Variants in HTRA1 observed in about 807,000 individuals in gnomAD.
The protein encoded by HTRA1 is serine protease HTRA1.
HTRA1 carries 26 observed loss-of-function variants against 49.7 expected under a neutral mutation model. That is an observed-to-expected ratio of 0.52 (90% CI 0.38 to 0.73). The LOEUF is 0.73. HTRA1 is among the 30% of genes least tolerant of loss of function. The pLI is 0.00. For missense variants in HTRA1, 561 were observed against 667.2 expected, an observed-to-expected ratio of 0.84 and a Z score of 1.75; for synonymous variants, 291 against 286.9, an observed-to-expected ratio of 1.01 and a Z score of -0.14.
intron 8 of HTRA1, among the ~76,000 whole-genome samples, chr10:122,513,707 T>C (rs1384930302): frequency 2.7e-5 from 4 of 147,456 alleles, no homozygotes; most frequent in Admixed American, 2.7e-4. Context: ...AGTAATCCAA[T>C]CTACCGATGG....
chr10:122,465,608 T>A (rs902545191), intron 1 of HTRA1, among the ~76,000 whole-genome samples: 4 of 152,142 alleles, frequency 2.6e-5, no homozygotes, highest in African/African-American at 9.7e-5. Context: ...TAAACAGGGC[T>A]CCAGATGGCT....
chr10:122,510,673 CAGG>C, intron 7 of HTRA1, among the ~76,000 whole-genome samples: 2 of 152,182 alleles, frequency 1.3e-5, no homozygotes, highest in East Asian at 3.8e-4. Flanking sequence ...CTGTGGTTGG[CAGG>C]CTCATGGCAT....
At position 122,488,988 on chromosome 10, in the gene HTRA1, G is replaced by A. The variant is rs759472596; in HGVS notation, c.559G>A (p.Glu187Lys). 8.1e-6 allele frequency: 13 copies of A among 1,613,214 alleles called. No homozygotes were observed. The Admixed American group carries it at 1.5e-4, about 19-fold the overall frequency. ...GATCGCCCCTGCCGTGGTTCATATC[G>A]AATTGTTTCGCAAGTAAAGAGAGCC... ...EKIAPAVVHI[E>K]LFRKLPFSKR... The change falls in exon 2 of 9, where the codon GAA becomes AAA. Residue 187 changes from glutamate (E) to lysine (K), a missense_variant. This residue lies in a region of HTRA1 where 271 missense variants were observed against 410.0 expected (regional missense o/e 0.66). Coordinates refer to ENST00000368984, the MANE Select transcript of HTRA1 (RefSeq NM_002775.5).
chr10:122,488,507 A>G (rs1447832293), intron 1 of HTRA1, among the ~76,000 whole-genome samples: 1 of 152,172 alleles, frequency 6.6e-6, no homozygotes, highest in African/African-American at 2.4e-5. Context: ...GGTTGTGATG[A>G]GCCAAGATTG....
At chr10:122,505,797 C>T (rs998885617) in intron 3 of HTRA1, among the ~76,000 whole-genome samples, 4 of 152,158 alleles carry the variant, frequency 2.6e-5, no homozygotes, top group African/African-American at 7.2e-5. Flanking sequence ...TGAAGGAACT[C>T]GGGAGGTCTG....
At position 122,507,182 on chromosome 10, in the gene HTRA1, T is replaced by C. The variant is rs955251824; in HGVS notation, c.973-188T>C. 2.0e-5 allele frequency among the ~76,000 whole-genome samples: 3 copies of C among 152,288 alleles called. No individual in the cohort carries two copies. In the South Asian group the frequency reaches 6.2e-4, roughly 32 times the overall value. On this transcript the variant is annotated intron_variant, in intron 4 of 8. Transcript: ENST00000368984. The stretch of plus-strand genomic sequence containing the variant: ...AGAAAATCTCCCTGTTTACGGCACC[T>C]CTAAAACTTTCTGAAAATTGTTAAG...
rs908786348 is a variant in HTRA1 at position 122,494,592 on chromosome 10, C to T, written c.777+4966C>T. 3.9e-5 allele frequency among the ~76,000 whole-genome samples: 6 copies of T among 152,282 alleles called. No homozygotes were observed. Among genetic ancestry groups the T allele is most frequent in the East Asian group, 1.9e-4 (1 of 5,150 alleles). On this transcript the variant is annotated intron_variant, in intron 3 of 8. Transcript: ENST00000368984. This position sits in a 1 kb window ranked among gnomAD's most constrained non-coding sequence, Gnocchi z 4.0. ...CAACAACCAGGTAAATATTTGGAAA[C>T]GGCCTTGTTGAGGCTTGTGAGGTGG...
At chr10:122,482,607 A>G (rs949191854) in intron 1 of HTRA1, among the ~76,000 whole-genome samples, 1 of 152,146 alleles carries the variant, frequency 6.6e-6, no homozygotes, top group African/African-American at 2.4e-5. Flanking sequence ...TGAAAGAAGC[A>G]TACATTTTGA....
chr10:122,500,058 T>C (rs2097500276), intron 3 of HTRA1, among the ~76,000 whole-genome samples: 1 of 152,190 alleles, frequency 6.6e-6, no homozygotes, highest in African/African-American at 2.4e-5. Context: ...TTGATGTTAT[T>C]GGTTTTTTTT....
chr10:122,506,919 G>T lies in HTRA1; in HGVS notation c.972+34G>T. 1 of 1,598,310 alleles carries T rather than the reference G, an allele frequency of 6.3e-7. No homozygotes were observed. The highest frequency in any genetic ancestry group is 1.1e-5 in the South Asian group (1 of 90,702). Reference sequence around the variant, plus strand: ...CTGTCCCTCTGCGGGTGGGGATTGGGGCAGAGTTTTGCCAGGGGGAGAGGA... The same window carrying T: ...CTGTCCCTCTGCGGGTGGGGATTGGTGCAGAGTTTTGCCAGGGGGAGAGGA... On this transcript the variant is annotated intron_variant, in intron 4 of 8. Transcript: ENST00000368984. This position sits in a 1 kb window ranked among gnomAD's most constrained non-coding sequence, Gnocchi z 5.2.
At chr10:122,495,357 A>T (rs1232698379) in intron 3 of HTRA1, among the ~76,000 whole-genome samples, 1 of 152,148 alleles carries the variant, frequency 6.6e-6, no homozygotes, top group African/African-American at 2.4e-5. Context: ...TGTTGACGTT[A>T]TGAGGCTTCT....
At chr10:122,495,881 C>T in intron 3 of HTRA1, among the ~76,000 whole-genome samples, 1 of 152,132 alleles carries the variant, frequency 6.6e-6, no homozygotes, top group Non-Finnish European at 1.5e-5. Flanking sequence ...GCCAGTAGTC[C>T]AAAGCTGGCC....
intron 3 of HTRA1, among the ~76,000 whole-genome samples, chr10:122,500,679 C>A (rs1220843882): frequency 6.6e-6 from 1 of 152,160 alleles, no homozygotes; most frequent in African/African-American, 2.4e-5. Context: ...TTCTGCCCCA[C>A]CTTGGTTGAT....
chr10:122,491,116 C>T (rs886384394), intron 3 of HTRA1, among the ~76,000 whole-genome samples: 37 of 152,204 alleles, frequency 2.4e-4, no homozygotes, highest in Non-Finnish European at 8.8e-5. Context: ...GATTATTGGG[C>T]CAGCCTCTGC....
chr10:122,478,164 G>A (rs1474561792), intron 1 of HTRA1, among the ~76,000 whole-genome samples: 1 of 152,172 alleles, frequency 6.6e-6, no homozygotes, highest in African/African-American at 2.4e-5. Context: ...GGTATTTAAA[G>A]TGGAAGAAAT....
intron 3 of HTRA1, among the ~76,000 whole-genome samples, chr10:122,498,166 C>T (rs889541111): frequency 4.0e-5 from 6 of 151,894 alleles, no homozygotes; most frequent in African/African-American, 1.2e-4. Flanking sequence ...GCACACTGTC[C>T]TCTGTTCTCC....
In HTRA1 at chr10:122,510,133, A is replaced by C. The variant is rs1486882248; in HGVS notation, c.1158A>C (p.Arg386=). 1 of 1,614,026 alleles carries C rather than the reference A, an allele frequency of 6.2e-7. No homozygotes were observed. The highest frequency in any genetic ancestry group is 1.7e-5 in the Admixed American group (1 of 60,022). Residue 386 remains arginine, a synonymous_variant, in exon 7 of 9, where the codon CGA becomes CGC. Coordinates refer to ENST00000368984, the MANE Select transcript of HTRA1 (RefSeq NM_002775.5). The stretch of plus-strand genomic sequence containing the variant: ...CCAAGAAGAAGTATATTGGTATCCG[A>C]ATGATGTCACTCACGTCCAGGTGGG... ...AITKKKYIGI[R]MMSLTSSKAK...
In HTRA1 at chr10:122,463,834, G is replaced by A. The variant is rs568672057; in HGVS notation, c.472+1710G>A. Among the ~76,000 whole-genome samples the A allele has an allele frequency of 2.6e-5, 4 of 152,300 alleles. No homozygotes were observed. The East Asian group carries it at 7.7e-4, about 29-fold the overall frequency. On this transcript the variant is annotated intron_variant, in intron 1 of 8. Transcript: ENST00000368984. Reference sequence around the variant, plus strand: ...CTGTAAATTTCCTGGTGGGCTGGACGTGCATCCCCCTCAGAGCTGGGAACA... The same window carrying A: ...CTGTAAATTTCCTGGTGGGCTGGACATGCATCCCCCTCAGAGCTGGGAACA...
At position 122,462,004 on chromosome 10, in the gene HTRA1, G is replaced by C. The variant is rs1401507429; in HGVS notation, c.352G>C (p.Val118Leu). 8.5e-6 allele frequency: 13 copies of C among 1,528,448 alleles called. No homozygotes were observed. Among genetic ancestry groups the C allele is most frequent in the Non-Finnish European group, 1.1e-5 (13 of 1,144,218 alleles). 94.7% of individuals were successfully genotyped at this position (1,528,448 alleles called of 1,614,324 possible). Residue 118 changes from valine (V) to leucine (L), a missense_variant, in exon 1 of 9, where the codon GTG (valine) becomes CTG (leucine). By Grantham distance (32) the Val-to-Leu change is conservative (BLOSUM62 1). This residue lies in a region of HTRA1 where 271 missense variants were observed against 410.0 expected (regional missense o/e 0.66). Transcript: ENST00000368984. ...GLCVCASSEP[V>L]CGSDANTYAN... ...CTGTGTGTGCGCCAGCAGCGAGCCG[G>C]TGTGCGGCAGCGACGCCAACACCTA...
Sources: gnomAD v4.1 joint callset for allele counts (sites outside exome capture counted in the v4.1 genomes callset) on GRCh38, gnomAD v4.1.1 for gene constraint, gnomAD v4.1.1 regional missense constraint, Gnocchi (gnomAD v3.1) non-coding constraint, MANE v1.5 for transcripts, NCBI Gene and HGNC (gene_info 2026-07-23, HGNC 2026-07-21) for gene names.